The following ANO6 variants were observed in gnomAD, a reference collection of about 807,000 sequenced individuals.
ANO6 encodes anoctamin 6, also known as anoctamin-6.
A neutral mutation model predicts 117.5 loss-of-function variants in ANO6; 106 were observed. That is an observed-to-expected ratio of 0.90 (90% CI 0.77 to 1.06). The LOEUF is 1.06. Ranked by LOEUF, ANO6 falls within the 50% of genes least tolerant of loss-of-function variation. The pLI, the probability that ANO6 is intolerant of heterozygous loss-of-function variation, is 0.00. For missense variants in ANO6, 955 were observed against 1,121.1 expected (o/e 0.85, Z 2.12); for synonymous variants, 367 against 385.1 (o/e 0.95, Z 0.55).
rs1373330305 is a variant in ANO6 at position 45,334,478 on chromosome 12, CAG to C, written c.279+3061_279+3062del. On this transcript the variant is annotated intron_variant, in intron 3 of 19. Transcript: ENST00000320560. ...TGCTGCAACTCCAGGTAGCCAGAGG[CAG>C]AGAGAAGGAATGCCCCTTCTCAGGG... Among the ~76,000 whole-genome samples, 8 of 152,094 alleles carry C rather than the reference CAG, an allele frequency of 5.3e-5. No individual in the cohort carries two copies. In the East Asian group the frequency reaches 1.6e-3, roughly 29 times the overall value.
intron 12 of ANO6, among the ~76,000 whole-genome samples, chr12:45,401,481 CTTT>C: frequency 6.6e-6 from 1 of 152,034 alleles, no homozygotes; most frequent in East Asian, 1.9e-4. Context: ...TTTAAATAGA[CTTT>C]TTTTAGAGCA....
intron 10 of ANO6, among the ~76,000 whole-genome samples, chr12:45,385,537 C>T (rs941473407): frequency 6.6e-6 from 1 of 152,070 alleles, no homozygotes; most frequent in African/African-American, 2.4e-5. Flanking sequence ...AGGGTTGGCT[C>T]ATGGGTGGCT....
chr12:45,367,784 G>A lies in ANO6; in HGVS notation c.1095G>A (p.Glu365=). 11 of 1,612,968 alleles carry A rather than the reference G, an allele frequency of 6.8e-6. No homozygotes were observed. Among genetic ancestry groups the A allele is most frequent in the Middle Eastern group, 1.7e-4 (1 of 6,052 alleles). ...TCTGGAAACTCAATATTACTTGCGA[G>A]TCCTCAAAGGTAATTTTTGCTATTG... ...CPFWKLNITC[E]SSKKLCIFDS... Residue 365 remains glutamate (E), a synonymous_variant, in exon 9 of 20, where the codon GAG becomes GAA. Transcript: ENST00000320560.
intron 19 of ANO6, among the ~76,000 whole-genome samples, chr12:45,423,727 T>G (rs113374105): frequency 1.4e-3 from 213 of 152,314 alleles, no homozygotes; most frequent in African/African-American, 4.6e-3. Flanking sequence ...ATTCTTGGGT[T>G]TGCTCTCATA....
chr12:45,266,462 A>C (rs1938218906), intron 1 of ANO6, among the ~76,000 whole-genome samples: 1 of 152,188 alleles, frequency 6.6e-6, no homozygotes, highest in Non-Finnish European at 1.5e-5. Flanking sequence ...GTTTTTCCAT[A>C]CTTGTTTTAA....
At chr12:45,275,343 G>T (rs990685029) in intron 1 of ANO6, among the ~76,000 whole-genome samples, 1 of 152,116 alleles carries the variant, frequency 6.6e-6, no homozygotes. Context: ...CCAAGTAGCT[G>T]GGATTACAGG....
chr12:45,288,751 T>C (rs1938997583), intron 1 of ANO6, among the ~76,000 whole-genome samples: 2 of 152,110 alleles, frequency 1.3e-5, no homozygotes, highest in Admixed American at 1.3e-4. Flanking sequence ...TTTTTGTTTG[T>C]TTGTTTTGTT....
chr12:45,426,155 A>G (rs958489267), intron 19 of ANO6, among the ~76,000 whole-genome samples: 1 of 152,222 alleles, frequency 6.6e-6, no homozygotes, highest in Non-Finnish European at 1.5e-5. Context: ...ATTTTTAAAA[A>G]TGTACAAATC....
intron 19 of ANO6, among the ~76,000 whole-genome samples, chr12:45,438,921 G>C (rs1270356322): frequency 2.0e-5 from 3 of 152,170 alleles, no homozygotes; most frequent in African/African-American, 7.2e-5. Context: ...ACTTGGAAAA[G>C]AGATGTTCAA....
intron 1 of ANO6, among the ~76,000 whole-genome samples, chr12:45,290,482 G>A (rs1939058526): frequency 6.6e-6 from 1 of 152,176 alleles, no homozygotes; most frequent in Non-Finnish European, 1.5e-5. Flanking sequence ...CTAGAACCAA[G>A]TTTCAGCTAA....
intron 1 of ANO6, chr12:45,270,502 T>G (rs1376473577): frequency 7.5e-7 from 1 of 1,335,296 alleles, no homozygotes; most frequent in Non-Finnish European, 1.0e-6. Flanking sequence ...TGACTCCTCA[T>G]ACTCACCTCC....
At chr12:45,223,376 A>G (rs1265355041) in intron 1 of ANO6, among the ~76,000 whole-genome samples, 1 of 152,156 alleles carries the variant, frequency 6.6e-6, no homozygotes, top group African/African-American at 2.4e-5. Flanking sequence ...CCACTGCAGA[A>G]TTGATTGCTT....
chr12:45,352,575 A>G (rs1941307256), intron 7 of ANO6, among the ~76,000 whole-genome samples: 1 of 150,868 alleles, frequency 6.6e-6, no homozygotes, highest in African/African-American at 2.4e-5. Flanking sequence ...AAAAAAAAAA[A>G]AAAAAAAGCC....
At chr12:45,359,332 G>T (rs990611248) in intron 8 of ANO6, among the ~76,000 whole-genome samples, 9 of 152,150 alleles carry the variant, frequency 5.9e-5, no homozygotes, top group Non-Finnish European at 1.2e-4. Flanking sequence ...TATTAAAAAT[G>T]TGTAAACAAT....
chr12:45,268,391 A>G (rs976158940), intron 1 of ANO6, among the ~76,000 whole-genome samples: 2 of 152,088 alleles, frequency 1.3e-5, no homozygotes, highest in South Asian at 4.1e-4. Context: ...GTGGTGGTAC[A>G]TGCCTGTAAT....
intron 2 of ANO6, among the ~76,000 whole-genome samples, chr12:45,303,954 G>C (rs1406539599): frequency 6.6e-6 from 1 of 152,176 alleles, no homozygotes; most frequent in Non-Finnish European, 1.5e-5. Context: ...CAATATCCCT[G>C]TATGTGTGGT....
At chr12:45,272,892 A>G (rs921700974) in intron 1 of ANO6, among the ~76,000 whole-genome samples, 2 of 152,222 alleles carry the variant, frequency 1.3e-5, no homozygotes, top group African/African-American at 4.8e-5. Context: ...TAGTCAAGAT[A>G]TGGAAACAAC....
intron 1 of ANO6, among the ~76,000 whole-genome samples, chr12:45,242,483 C>G (rs1457568628): frequency 6.6e-6 from 1 of 152,238 alleles, no homozygotes; most frequent in Non-Finnish European, 1.5e-5. Flanking sequence ...ACTGTCGTGG[C>G]TTCCCTCGAC....
chr12:45,432,183 CTATTCATG>C lies in ANO6; in HGVS notation c.*2873_*2880del. On this transcript the variant is annotated 3_prime_UTR_variant, in exon 20 of 20. Transcript: ENST00000320560. The stretch of plus-strand genomic sequence containing the variant: ...TATGAGCAGCTTAACTGAAGTAGAA[CTATTCATG>C]ATGCTTTTCACACATTGTGGCATAA... 1 of 985,008 alleles carries C rather than the reference CTATTCATG, an allele frequency of 1.0e-6. No individual in the cohort carries two copies. Among genetic ancestry groups the C allele is most frequent in the Non-Finnish European group, 1.2e-6 (1 of 829,648 alleles). The allele number at this position is 985,008 out of a possible 1,614,324, so 61.0% of individuals were successfully genotyped here.
Sources: allele counts gnomAD v4.1 joint callset (sites outside exome capture counted in the v4.1 genomes callset), GRCh38; gene constraint gnomAD v4.1.1; transcripts MANE v1.5; gene names NCBI Gene and HGNC (gene_info 2026-07-23, HGNC 2026-07-21).